MARCHF1: variants seen among roughly 807,000 people sequenced by gnomAD.
The protein encoded by MARCHF1 is membrane associated ring-CH-type finger 1, also known as E3 ubiquitin-protein ligase MARCHF1.
MARCHF1 carries 40 observed loss-of-function variants against 54.2 expected under a neutral mutation model. The observed-to-expected ratio is 0.74, with a 90% CI of 0.57 to 0.96. MARCHF1 has a LOEUF of 0.96. MARCHF1 is among the 40% of genes least tolerant of loss of function. MARCHF1 has a pLI of 0.00. For synonymous variants in MARCHF1, 236 were observed against 236.3 expected, an observed-to-expected ratio of 1.00 and a Z score of 0.01; for missense variants, 586 against 656.5, an observed-to-expected ratio of 0.89 and a Z score of 1.17.
intron 5 of MARCHF1, among the ~76,000 whole-genome samples, chr4:163,630,961 T>A (rs1051045789): frequency 6.6e-6 from 1 of 151,970 alleles, no homozygotes; most frequent in East Asian, 1.9e-4. Flanking sequence ...GAAATGATAT[T>A]TTTGTCCATA....
At chr4:163,660,324 G>GT (rs1743301591) in intron 5 of MARCHF1, among the ~76,000 whole-genome samples, 1 of 151,968 alleles carries the variant, frequency 6.6e-6, no homozygotes, top group Admixed American at 6.6e-5. Flanking sequence ...AACACTGCAT[G>GT]TTCTCATTCA....
chr4:164,179,428 T>C (rs897753363), intron 1 of MARCHF1, among the ~76,000 whole-genome samples: 20 of 152,170 alleles, frequency 1.3e-4, no homozygotes, highest in African/African-American at 4.6e-4. Context: ...AAGAAAATAG[T>C]AGTAAGTTTA....
chr4:164,100,118 T>C (rs1755508007), intron 2 of MARCHF1, among the ~76,000 whole-genome samples: 1 of 152,212 alleles, frequency 6.6e-6, no homozygotes, highest in Non-Finnish European at 1.5e-5. Context: ...TCATGTTATA[T>C]AGCAAGCATT....
intron 5 of MARCHF1, among the ~76,000 whole-genome samples, chr4:163,684,176 C>T (rs35333088): frequency 0.097 from 14,807 of 152,158 alleles, 771 homozygotes; most frequent in East Asian, 0.16. Flanking sequence ...AGCAAAGGTT[C>T]GCCTAGTTTC....
intron 4 of MARCHF1, among the ~76,000 whole-genome samples, chr4:163,837,290 T>A (rs978811287): frequency 6.6e-6 from 1 of 151,974 alleles, no homozygotes; most frequent in Non-Finnish European, 1.5e-5. Context: ...CAAACTGAAG[T>A]AATGGGAACA....
intron 4 of MARCHF1, among the ~76,000 whole-genome samples, chr4:163,742,397 C>CCCTT (rs201806407): frequency 0.077 from 7,027 of 91,174 alleles, 235 homozygotes; most frequent in African/African-American, 0.1. Context: ...CTTCCTTCCT[C>CCCTT]CCTTCCTTCC....
chr4:163,549,709 A>G (rs1176828767), intron 8 of MARCHF1, among the ~76,000 whole-genome samples: 1 of 151,520 alleles, frequency 6.6e-6, no homozygotes, highest in Non-Finnish European at 1.5e-5. Flanking sequence ...AGAAGCCACT[A>G]AACAATAGAA....
intron 8 of MARCHF1, among the ~76,000 whole-genome samples, chr4:163,557,889 T>A (rs1336785533): frequency 1.3e-5 from 2 of 152,344 alleles, no homozygotes; most frequent in East Asian, 3.9e-4. Flanking sequence ...AGTAATTTGT[T>A]CTTACAGAAA....
At chr4:163,833,566 C>T (rs1203111173) in intron 4 of MARCHF1, among the ~76,000 whole-genome samples, 3 of 152,118 alleles carry the variant, frequency 2.0e-5, no homozygotes, top group African/African-American at 7.2e-5. Context: ...AGGATATGAA[C>T]AGACACTTCT....
intron 3 of MARCHF1, among the ~76,000 whole-genome samples, chr4:163,983,430 A>G (rs778126512): frequency 6.6e-6 from 1 of 152,188 alleles, no homozygotes; most frequent in Non-Finnish European, 1.5e-5. Context: ...TCTGAATTTG[A>G]ATAAAATGAA....
chr4:163,853,548 T>C (rs750076569), intron 4 of MARCHF1, among the ~76,000 whole-genome samples: 2 of 152,194 alleles, frequency 1.3e-5, no homozygotes, highest in South Asian at 2.1e-4. Context: ...ATTTTTGCAA[T>C]TGTGTAATTC....
At chr4:164,060,525 T>C (rs969404841) in intron 2 of MARCHF1, among the ~76,000 whole-genome samples, 5 of 152,134 alleles carry the variant, frequency 3.3e-5, no homozygotes, top group Non-Finnish European at 7.4e-5. Flanking sequence ...TGATGAAGTG[T>C]ATACAAGTAT....
At chr4:163,557,115 C>A (rs1272748205) in intron 8 of MARCHF1, among the ~76,000 whole-genome samples, 3 of 152,130 alleles carry the variant, frequency 2.0e-5, no homozygotes, top group Non-Finnish European at 4.4e-5. Context: ...ATAATCTCCA[C>A]AGGCGGGAAA....
Position 164,342,521 on chromosome 4 carries a change from T to C in MARCHF1, c.-323+41349A>G, listed in dbSNP as rs144133730. On this transcript the variant is annotated intron_variant, in intron 1 of 9. Coordinates refer to ENST00000514618, the MANE Select transcript of MARCHF1 (RefSeq NM_001394959.1). ...CACATGTACCCTAAAACTTAAAGTATAATAATAATAATAATAAAAAAATAT... is the reference window on the plus strand; with the variant it reads ...CACATGTACCCTAAAACTTAAAGTACAATAATAATAATAATAAAAAAATAT... Among the ~76,000 whole-genome samples the C allele has an allele frequency of 8.4e-3, 1,224 of 146,260 alleles. 15 individuals carry two copies. Among genetic ancestry groups the C allele is most frequent in the African/African-American group, 0.028 (1,121 of 40,240 alleles).
intron 4 of MARCHF1, among the ~76,000 whole-genome samples, chr4:163,731,796 T>C (rs1215419299): frequency 6.6e-6 from 1 of 152,208 alleles, no homozygotes; most frequent in Non-Finnish European, 1.5e-5. Flanking sequence ...GAATGGGTAA[T>C]CTTATAATTC....
At chr4:164,169,204 A>C (rs1487050611) in intron 1 of MARCHF1, among the ~76,000 whole-genome samples, 1 of 152,096 alleles carries the variant, frequency 6.6e-6, no homozygotes, top group Non-Finnish European at 1.5e-5. Flanking sequence ...TACACAATAC[A>C]ATTTCTTTAA....
intron 3 of MARCHF1, among the ~76,000 whole-genome samples, chr4:163,962,516 T>C (rs1475482399): frequency 6.6e-6 from 1 of 151,930 alleles, no homozygotes; most frequent in Admixed American, 6.6e-5. Context: ...AAATATGCTA[T>C]GATTATGACC....
At chr4:164,141,961 G>GGCGCAGGTCAGTGGGTGT (rs1167378118) in intron 1 of MARCHF1, among the ~76,000 whole-genome samples, 1 of 152,058 alleles carries the variant, frequency 6.6e-6, no homozygotes, top group African/African-American at 2.4e-5. Context: ...TCAGTGGGTG[G>GGCGCAGGTCAGTGGGTGT]GCGCACCGTG....
At chr4:163,979,480 A>T (rs1752718025) in intron 3 of MARCHF1, among the ~76,000 whole-genome samples, 1 of 144,216 alleles carries the variant, frequency 6.9e-6, no homozygotes, top group South Asian at 2.3e-4. Flanking sequence ...CGCAATAAAC[A>T]TACGTGTGCA....
Sources: allele counts gnomAD v4.1 joint callset (sites outside exome capture counted in the v4.1 genomes callset), GRCh38; gene constraint gnomAD v4.1.1; transcripts MANE v1.5; gene names NCBI Gene and HGNC (gene_info 2026-07-23, HGNC 2026-07-21).